HCN2: variants seen among roughly 807,000 people sequenced by gnomAD.
HCN2 encodes the protein potassium/sodium hyperpolarization-activated cyclic nucleotide-gated channel 2.
In HCN2, 20 loss-of-function variants were observed where a neutral mutation model predicts 52.3. The ratio of observed to expected loss-of-function variants is 0.38; its 90% CI spans 0.27 to 0.56. The LOEUF (loss-of-function observed/expected upper bound fraction) is 0.56, where lower values mean the gene tolerates loss of function less well. Among genes scored for constraint, HCN2 ranks in the 20% least tolerant of loss-of-function variants. The pLI is 0.71. For synonymous variants in HCN2, 694 were observed against 537.0 expected (o/e 1.29, Z -4.04); for missense variants, 981 against 1,207.7 (o/e 0.81, Z 2.78).
At chr19:605,344 C>T (rs1256240363) in intron 3 of HCN2, 122 bp downstream of exon 3, 6 of 728,236 alleles carry the variant, frequency 8.2e-6, no homozygotes, top group African/African-American at 7.3e-5. Context: ...GGGACCCAGG[C>T]GCCCCCTTAT....
intron 5 of HCN2, among the ~76,000 whole-genome samples, chr19:610,852 T>C (rs544045871): frequency 6.4e-4 from 97 of 152,204 alleles, no homozygotes; most frequent in African/African-American, 2.3e-3. Context: ...ACAGCGGAGA[T>C]TCGGCCTCCC....
At chr19:614,595 A>C (rs1600540350) in intron 7 of HCN2, among the ~76,000 whole-genome samples, 1 of 152,156 alleles carries the variant, frequency 6.6e-6, no homozygotes, top group Non-Finnish European at 1.5e-5. Context: ...CTGAGGTGGA[A>C]AAGAGGCCTA....
chr19:590,786 G>A lies in HCN2; in HGVS notation c.632+209G>A. The A allele has an allele frequency of 3.3e-6, 1 of 306,622 alleles. No homozygotes were observed. The highest frequency in any genetic ancestry group is 5.9e-6 in the Non-Finnish European group (1 of 168,860). The allele number at this position is 306,622 out of a possible 1,614,324, so 19.0% of individuals were successfully genotyped here. A position where few individuals can be genotyped will look rare whatever the true frequency, so the allele number is the denominator to read the frequency against. On this transcript the variant is annotated intron_variant, in intron 1 of 7. Transcript: ENST00000251287. This position sits in a 1 kb window ranked among gnomAD's most constrained non-coding sequence, Gnocchi z 7.2. ...CTCTGGGGGGGCTCCCCGGGTGACC[G>A]CGGAGCGCCCCCCTCCCACGCACCC...
chr19:615,300 G>A (rs1218940015), intron 7 of HCN2, among the ~76,000 whole-genome samples: 1 of 152,110 alleles, frequency 6.6e-6, no homozygotes, highest in East Asian at 1.9e-4. Context: ...ACGAGGTCAG[G>A]AGATTGAGAC....
intron 6 of HCN2, 95 bp downstream of exon 6, chr19:613,583 ATGGGGATGGGGATG>A (rs1983745128): frequency 1.3e-5 from 1 of 75,096 alleles, no homozygotes; most frequent in African/African-American, 1.5e-4. Context: ...GGGGCCGGGG[ATGGGGATGGGGATG>A]GGGATGGGGC....
intron 4 of HCN2, among the ~76,000 whole-genome samples, chr19:609,794 A>G (rs569422625): frequency 1.3e-5 from 2 of 152,216 alleles, no homozygotes; most frequent in South Asian, 4.1e-4. Flanking sequence ...CCTGCTACTC[A>G]GGAGGCTGAG....
In HCN2 at chr19:610,284, C is replaced by T. The variant is rs1273159851; in HGVS notation, c.1463C>T (p.Ser488Phe). The T allele has an allele frequency of 1.2e-6, 2 of 1,613,460 alleles. No homozygotes were observed. The highest frequency in any genetic ancestry group is 1.7e-6 in the Non-Finnish European group (2 of 1,179,784). Reference protein sequence around the residue: ...EKYKQVEQYMSFHKLPADFRQ... With the variant: ...EKYKQVEQYMFFHKLPADFRQ... The stretch of plus-strand genomic sequence containing the variant: ...TACAAGCAGGTGGAGCAGTACATGT[C>T]CTTCCACAAGCTGCCAGCTGACTTC... The change falls in exon 5 of 8, where the codon TCC (serine) becomes TTC (phenylalanine). Residue 488 changes from serine (S) to phenylalanine (F), a missense_variant. Physicochemically the swap from Ser to Phe is radical, Grantham distance 155. Coordinates refer to ENST00000251287, the MANE Select transcript of HCN2 (RefSeq NM_001194.4).
At position 592,142 on chromosome 19, in the gene HCN2, T is replaced by A. The variant is rs1211619893; in HGVS notation, c.632+1565T>A. The stretch of plus-strand genomic sequence containing the variant: ...GGACTTCCAGGGCTGCTGGTCGGCC[T>A]GGCCCCACTTCCAGTCGGGCAGTGG... On this transcript the variant is annotated intron_variant, in intron 1 of 7. Coordinates refer to ENST00000251287, the MANE Select transcript of HCN2 (RefSeq NM_001194.4). The surrounding 1 kb of genome is among the most constrained non-coding windows in gnomAD (Gnocchi z 4.8). 6.6e-6 allele frequency among the ~76,000 whole-genome samples: 1 copy of A among 152,204 alleles called. No individual in the cohort carries two copies. Among genetic ancestry groups the A allele is most frequent in the African/African-American group, 2.4e-5 (1 of 41,450 alleles).
At chr19:602,053 G>A (rs992416744) in intron 1 of HCN2, among the ~76,000 whole-genome samples, 3 of 149,756 alleles carry the variant, frequency 2.0e-5, no homozygotes, top group Admixed American at 6.7e-5. Flanking sequence ...CGCCAGCCCC[G>A]TCTCTGCTTG....
intron 1 of HCN2, among the ~76,000 whole-genome samples, chr19:593,350 C>T (rs990442772): frequency 6.6e-6 from 1 of 152,230 alleles, no homozygotes; most frequent in Admixed American, 6.5e-5. Flanking sequence ...GGTGCAGCGG[C>T]TCACGCCTGA....
Position 603,833 on chromosome 19 carries a change from G to C in HCN2, c.922G>C (p.Val308Leu). Reference sequence around the variant, plus strand: ...CCCCGTGGACTACATCTTCCTTATCGTGGAGAAGGGCATTGACTCCGAGGT... The same window carrying C: ...CCCCGTGGACTACATCTTCCTTATCCTGGAGAAGGGCATTGACTCCGAGGT... ...SIPVDYIFLI[V>L]EKGIDSEVYK... The change falls in exon 2 of 8, where the codon GTG (valine) becomes CTG (leucine). Residue 308 changes from valine to leucine, a missense_variant. Transcript: ENST00000251287. 1 of 1,612,666 alleles carries C rather than the reference G, an allele frequency of 6.2e-7. No individual in the cohort carries two copies. Among genetic ancestry groups the C allele is most frequent in the Admixed American group, 1.7e-5 (1 of 60,012 alleles).
At position 608,274 on chromosome 19, in the gene HCN2, C is replaced by G. The variant is rs576629042; in HGVS notation, c.1437+92C>G. The stretch of plus-strand genomic sequence containing the variant: ...AGAGAGTCAGGCCAGGCCCTGGGGT[C>G]TGATGGAGGGAGGCAGGCCCGGTCC... On this transcript the variant is annotated intron_variant, in intron 4 of 7. Transcript: ENST00000251287. The G allele has an allele frequency of 9.1e-6, 11 of 1,204,092 alleles. No individual in the cohort carries two copies. In the East Asian group the frequency reaches 2.6e-4, roughly 29 times the overall value. 74.6% of individuals were successfully genotyped at this position (1,204,092 alleles called of 1,614,324 possible). A position where few individuals can be genotyped will look rare whatever the true frequency, so the allele number is the denominator to read the frequency against.
chr19:604,737 A>AC (rs1983352105), intron 2 of HCN2, among the ~76,000 whole-genome samples: 3 of 72,670 alleles, frequency 4.1e-5, no homozygotes, highest in African/African-American at 2.1e-4. Context: ...AGGGGTGGGG[A>AC]TATGAGGGTT....
chr19:610,462 C>G (rs1983580784), intron 5 of HCN2, 57 bp downstream of exon 5: 2 of 1,524,576 alleles, frequency 1.3e-6, no homozygotes, highest in South Asian at 2.3e-5. Flanking sequence ...CGGCCTCCCT[C>G]TCCTGGAGCC....
chr19:595,980 G>C (rs1983018750), intron 1 of HCN2, among the ~76,000 whole-genome samples: 2 of 152,312 alleles, frequency 1.3e-5, no homozygotes, highest in African/African-American at 4.8e-5. Context: ...CGGGACTCAG[G>C]CTCCAGCAGG....
chr19:612,002 G>A (rs747528463), intron 5 of HCN2, among the ~76,000 whole-genome samples: 9 of 152,042 alleles, frequency 5.9e-5, no homozygotes, highest in Non-Finnish European at 1.0e-4. Context: ...AAAATTAGCC[G>A]GGCGTGGTGG....
At position 616,707 on chromosome 19, in the gene HCN2, G is replaced by C. The variant is rs1008909178; in HGVS notation, c.*233G>C. The C allele has an allele frequency of 1.1e-4, 24 of 210,206 alleles. No homozygotes were observed. The highest frequency in any genetic ancestry group is 1.8e-4 in the Admixed American group (3 of 16,972). The allele number at this position is 210,206 out of a possible 1,614,324, so 13.0% of individuals were successfully genotyped here. ...CCCATCGCCCCTGCCCCCGGCGGCGGCCTCGCGTGCGAGGGGGCTCCCTTC... is the reference window on the plus strand; with the variant it reads ...CCCATCGCCCCTGCCCCCGGCGGCGCCCTCGCGTGCGAGGGGGCTCCCTTC... On this transcript the variant is annotated 3_prime_UTR_variant, in exon 8 of 8. Transcript: ENST00000251287.
intron 1 of HCN2, among the ~76,000 whole-genome samples, chr19:599,433 A>G (rs975411184): frequency 6.6e-6 from 1 of 151,930 alleles, no homozygotes; most frequent in African/African-American, 2.4e-5. Context: ...CTCCGAAAGG[A>G]TGTGGGGACC....
In HCN2 at chr19:617,092, G is replaced by A. The variant is rs529803886; in HGVS notation, c.*618G>A. On this transcript the variant is annotated 3_prime_UTR_variant, in exon 8 of 8. Coordinates refer to ENST00000251287, the MANE Select transcript of HCN2 (RefSeq NM_001194.4). ...GAGCCGAGGCAGCAGTGCCCCCACCGTGGCCCCCCACGCCCCATTAACCCC... is the reference window on the plus strand; with the variant it reads ...GAGCCGAGGCAGCAGTGCCCCCACCATGGCCCCCCACGCCCCATTAACCCC... The A allele has an allele frequency of 2.6e-5, 15 of 568,780 alleles. No individual in the cohort carries two copies. The highest frequency in any genetic ancestry group is 1.5e-4 in the East Asian group (5 of 32,828). The allele number at this position is 568,780 out of a possible 1,614,324, so 35.2% of individuals were successfully genotyped here. A position where few individuals can be genotyped will look rare whatever the true frequency, so the allele number is the denominator to read the frequency against.
Sources: allele counts gnomAD v4.1 joint callset (sites outside exome capture counted in the v4.1 genomes callset), GRCh38; gene constraint gnomAD v4.1.1; non-coding constraint Gnocchi (gnomAD v3.1); transcripts MANE v1.5; gene names NCBI Gene and HGNC (gene_info 2026-07-23, HGNC 2026-07-21).